LPCAT3: variants seen among roughly 807,000 people sequenced by gnomAD.
LPCAT3 encodes lysophospholipid acyltransferase 5.
A neutral mutation model predicts 63.4 loss-of-function variants in LPCAT3; 21 were observed. The ratio of observed to expected loss-of-function variants is 0.33; its 90% CI spans 0.23 to 0.48. The LOEUF is 0.48. Ranked by LOEUF, LPCAT3 falls within the 20% of genes least tolerant of loss-of-function variation. The probability of loss-of-function intolerance (pLI) is 0.99; values close to 1 mark genes in which losing one functional copy is unlikely to be tolerated. For synonymous variants in LPCAT3, 242 were observed against 227.5 expected, an observed-to-expected ratio of 1.06 and a Z score of -0.58; for missense variants, 451 against 590.6, an observed-to-expected ratio of 0.76 and a Z score of 2.45.
rs782788225 is a variant in LPCAT3 at position 6,981,609 on chromosome 12, C to T, written c.484G>A (p.Gly162Arg). Residue 162 changes from glycine (G) to arginine (R), a missense_variant, in exon 5 of 13, where the codon GGA (glycine) becomes AGA (arginine). Around this residue, in one of 3 missense-constraint regions of LPCAT3, gnomAD observed 14 missense variants for 47.8 expected, o/e 0.29. Transcript: ENST00000261407. Reference protein sequence around the residue: ...LIGLAVDYFDGGKDQNSLSSE... With the variant: ...LIGLAVDYFDRGKDQNSLSSE... ...TGGGTACTTACCTGATCTTTCCCTC[C>T]GTCAAAGTAGTCAACAGCCAAACCT... 1.2e-6 allele frequency: 2 copies of T among 1,613,672 alleles called. No homozygotes were observed. Among genetic ancestry groups the T allele is most frequent in the African/African-American group, 1.3e-5 (1 of 74,782 alleles).
At chr12:6,981,206 G>A (rs1555154024) in intron 5 of LPCAT3, 24 bp from the exon 6 acceptor site, 1 of 1,577,068 alleles carries the variant, frequency 6.3e-7, no homozygotes, top group Non-Finnish European at 8.6e-7. Flanking sequence ...AGAATGCATG[G>A]TTCAGGATAG....
chr12:7,002,049 A>G (rs1946691058), intron 1 of LPCAT3, among the ~76,000 whole-genome samples: 1 of 152,122 alleles, frequency 6.6e-6, no homozygotes, highest in South Asian at 2.1e-4. Context: ...TGTAGAAGCA[A>G]TCTAGCACAG....
intron 1 of LPCAT3, among the ~76,000 whole-genome samples, chr12:7,016,625 G>A (rs1032310648): frequency 5.9e-5 from 9 of 152,170 alleles, no homozygotes; most frequent in East Asian, 1.9e-4. Flanking sequence ...GGCCTCAAGC[G>A]TTCCTCCCAC....
intron 1 of LPCAT3, 110 bp from the exon 2 acceptor site, chr12:6,983,649 A>C (rs1362014517): frequency 3.4e-5 from 24 of 702,030 alleles, no homozygotes; most frequent in South Asian, 1.7e-4. Context: ...GAGAAAAAAA[A>C]AACAACATAC....
chr12:6,999,098 C>G (rs982909203), intron 1 of LPCAT3, among the ~76,000 whole-genome samples: 1 of 152,332 alleles, frequency 6.6e-6, no homozygotes, highest in Non-Finnish European at 1.5e-5. Flanking sequence ...GCTCCAGCAC[C>G]TGTTTATAGA....
At chr12:7,008,304 G>A (rs1474836035) in intron 1 of LPCAT3, among the ~76,000 whole-genome samples, 1 of 152,022 alleles carries the variant, frequency 6.6e-6, no homozygotes, top group Non-Finnish European at 1.5e-5. Context: ...CTCCAAGTGG[G>A]CCCTAAATCT....
intron 1 of LPCAT3, among the ~76,000 whole-genome samples, chr12:6,994,757 T>C (rs1392712099): frequency 1.3e-5 from 2 of 152,210 alleles, no homozygotes; most frequent in African/African-American, 2.4e-5. Flanking sequence ...GCTTGGCCAA[T>C]GTTCACTCTT....
At chr12:7,001,140 A>G (rs1018305250) in intron 1 of LPCAT3, among the ~76,000 whole-genome samples, 5 of 152,120 alleles carry the variant, frequency 3.3e-5, no homozygotes, top group African/African-American at 1.2e-4. Flanking sequence ...TATAGAAAGT[A>G]AAAAATAAAG....
intron 1 of LPCAT3, among the ~76,000 whole-genome samples, chr12:6,989,527 T>A (rs1946567699): frequency 6.6e-6 from 1 of 152,100 alleles, no homozygotes. Flanking sequence ...CTCGATCTCC[T>A]GACCTCGTGA....
In LPCAT3 at chr12:6,977,803, C is replaced by T; in HGVS notation, c.1041-58G>A. 1.2e-6 allele frequency: 2 copies of T among 1,601,958 alleles called. No individual in the cohort carries two copies. The highest frequency in any genetic ancestry group is 8.5e-7 in the Non-Finnish European group (1 of 1,171,986). On this transcript the variant is annotated intron_variant, in intron 9 of 12. Coordinates refer to ENST00000261407, the MANE Select transcript of LPCAT3 (RefSeq NM_005768.6). This position sits in a 1 kb window ranked among gnomAD's most constrained non-coding sequence, Gnocchi z 4.5. ...ACTGACTGGTCCTTGCATCCCGCCA[C>T]CTGCCTCTGGGTCCTCACCCTGAGG...
intron 1 of LPCAT3, among the ~76,000 whole-genome samples, chr12:7,015,581 C>T (rs746738206): frequency 6.6e-6 from 1 of 152,166 alleles, no homozygotes. Flanking sequence ...ACTGTGCCTA[C>T]TAGGAATACA....
At chr12:7,000,087 T>C (rs1946671562) in intron 1 of LPCAT3, among the ~76,000 whole-genome samples, 1 of 151,460 alleles carries the variant, frequency 6.6e-6, no homozygotes, top group Non-Finnish European at 1.5e-5. Context: ...GCCTGGCTAA[T>C]TTTTGTATTT....
At chr12:6,988,231 C>T (rs1166529306) in intron 1 of LPCAT3, 1 of 159,956 alleles carries the variant, frequency 6.3e-6, no homozygotes, top group African/African-American at 2.4e-5. Context: ...CACTAGCAAA[C>T]ACATGAGAAG....
chr12:7,000,065 G>A (rs998790717), intron 1 of LPCAT3, among the ~76,000 whole-genome samples: 6 of 151,666 alleles, frequency 4.0e-5, no homozygotes, highest in South Asian at 2.1e-4. Flanking sequence ...GACTACAGGC[G>A]TGTGCCACCA....
Position 6,977,786 on chromosome 12 carries a change from G to T in LPCAT3, c.1041-41C>A, listed in dbSNP as rs1555153508. 1 of 1,611,776 alleles carries T rather than the reference G, an allele frequency of 6.2e-7. No homozygotes were observed. The highest frequency in any genetic ancestry group is 8.5e-7 in the Non-Finnish European group (1 of 1,178,862). ...GGTGGGGCGACCCTCAAACTGACTG[G>T]TCCTTGCATCCCGCCACCTGCCTCT... On this transcript the variant is annotated intron_variant, in intron 9 of 12. Coordinates refer to ENST00000261407, the MANE Select transcript of LPCAT3 (RefSeq NM_005768.6). This position sits in a 1 kb window ranked among gnomAD's most constrained non-coding sequence, Gnocchi z 4.5.
chr12:6,992,362 C>T (rs894324015), intron 1 of LPCAT3, among the ~76,000 whole-genome samples: 1 of 151,706 alleles, frequency 6.6e-6, no homozygotes, highest in Admixed American at 6.6e-5. Flanking sequence ...ACTTCATCAA[C>T]GATTCTTAAG....
intron 1 of LPCAT3, 102 bp from the exon 2 acceptor site, chr12:6,983,641 G>T: frequency 6.9e-6 from 4 of 580,084 alleles, no homozygotes; most frequent in Non-Finnish European, 1.2e-5. Context: ...GAGGGAGAGA[G>T]AAAAAAAAAA....
At chr12:6,981,492 G>T in intron 5 of LPCAT3, 103 bp downstream of exon 5, 2 of 1,147,652 alleles carry the variant, frequency 1.7e-6, no homozygotes, top group Non-Finnish European at 2.6e-6. Context: ...TGGGGAATGA[G>T]GGAGAGGCTC....
At position 7,011,269 on chromosome 12, in the gene LPCAT3, C is replaced by A. The variant is rs782089174; in HGVS notation, c.151+7005G>T. Among the ~76,000 whole-genome samples, 47 of 152,276 alleles carry A rather than the reference C, an allele frequency of 3.1e-4. 2 individuals carry two copies. Among genetic ancestry groups the A allele is most frequent in the Admixed American group, 3.1e-3 (47 of 15,282 alleles). On this transcript the variant is annotated intron_variant, in intron 1 of 12. Coordinates refer to ENST00000261407, the MANE Select transcript of LPCAT3 (RefSeq NM_005768.6). ...CAGGCTGGTCTTGAACTCCCGGACT[C>A]AAGTGATCCTCTTGCTTTGGCCTCC... is the stretch of plus-strand genomic sequence containing the variant.
Sources: allele counts gnomAD v4.1 joint callset (sites outside exome capture counted in the v4.1 genomes callset), GRCh38; gene constraint gnomAD v4.1.1; regional missense constraint gnomAD v4.1.1; non-coding constraint Gnocchi (gnomAD v3.1); transcripts MANE v1.5; gene names NCBI Gene and HGNC (gene_info 2026-07-23, HGNC 2026-07-21).